PCCA: variants seen among roughly 807,000 people sequenced by gnomAD.
The protein encoded by PCCA is propionyl-CoA carboxylase alpha chain, mitochondrial.
In PCCA, 74 loss-of-function variants were observed where a neutral mutation model predicts 101.3. The ratio of observed to expected loss-of-function variants is 0.73; its 90% confidence interval spans 0.61 to 0.89. The LOEUF is 0.89. Ranked by LOEUF, PCCA falls within the 40% of genes least tolerant of loss-of-function variation. PCCA has a pLI of 0.00. For synonymous variants in PCCA, 294 were observed against 313.6 expected (o/e 0.94, Z 0.66); for missense variants, 891 against 907.0 (o/e 0.98, Z 0.23).
intron 6 of PCCA, chr13:100,160,575 C>A (rs2054362320): frequency 1.3e-5 from 2 of 151,962 alleles, no homozygotes; most frequent in South Asian, 2.1e-4. Flanking sequence ...CAAAGCTACA[C>A]ATAATCCTCA....
chr13:100,271,324 A>T lies in PCCA; in HGVS notation c.915-1872A>T, dbSNP rs1392549750. On this transcript the variant is annotated intron_variant, in intron 11 of 23. Coordinates refer to ENST00000376285, the MANE Select transcript of PCCA (RefSeq NM_000282.4). ...TAATTCATAACACTTGAACCCATTG[A>T]TTTATTGTAACTTCACCAAAAGGGA... 2.0e-5 allele frequency among the ~76,000 whole-genome samples: 3 copies of T among 152,042 alleles called. No homozygotes were observed. The South Asian group carries it at 6.2e-4, about 32-fold the overall frequency.
intron 11 of PCCA, among the ~76,000 whole-genome samples, chr13:100,271,448 A>G (rs960889517): frequency 3.9e-5 from 6 of 152,046 alleles, no homozygotes; most frequent in African/African-American, 1.4e-4. Flanking sequence ...CTAGCAATCT[A>G]TATGAAATAG....
At chr13:100,238,470 C>T (rs1446620244) in intron 8 of PCCA, among the ~76,000 whole-genome samples, 1 of 152,044 alleles carries the variant, frequency 6.6e-6, no homozygotes, top group African/African-American at 2.4e-5. Flanking sequence ...TCCTGTCCTT[C>T]TTCTAATTCT....
intron 8 of PCCA, among the ~76,000 whole-genome samples, chr13:100,240,642 G>A (rs935438149): frequency 6.6e-6 from 1 of 151,580 alleles, no homozygotes; most frequent in Non-Finnish European, 1.5e-5. Flanking sequence ...TCAATCATAC[G>A]GCATTTTGAA....
intron 6 of PCCA, among the ~76,000 whole-genome samples, chr13:100,180,575 G>A (rs1163413348): frequency 6.6e-6 from 1 of 152,158 alleles, no homozygotes; most frequent in Non-Finnish European, 1.5e-5. Flanking sequence ...TAGGGGGTAG[G>A]TGTGGATACA....
At chr13:100,181,770 CT>C (rs11329867) in intron 6 of PCCA, among the ~76,000 whole-genome samples, 68,202 of 130,120 alleles carry the variant, frequency 0.52, 17,575 homozygotes, top group African/African-American at 0.7. Flanking sequence ...TTCTTTTTTT[CT>C]TTTTTTTTTT....
At chr13:100,138,423 T>C (rs1362364697) in intron 4 of PCCA, among the ~76,000 whole-genome samples, 1 of 152,216 alleles carries the variant, frequency 6.6e-6, no homozygotes, top group Admixed American at 6.5e-5. Context: ...TTACGTGTTA[T>C]ATCTGCATGC....
chr13:100,461,052 A>C (rs1298771436), intron 21 of PCCA, among the ~76,000 whole-genome samples: 1 of 152,366 alleles, frequency 6.6e-6, no homozygotes, highest in African/African-American at 2.4e-5. Context: ...TCTGGTCTGC[A>C]TATTTCCATA....
intron 19 of PCCA, among the ~76,000 whole-genome samples, chr13:100,384,182 C>T (rs562938500): frequency 3.9e-5 from 6 of 152,084 alleles, no homozygotes; most frequent in African/African-American, 1.2e-4. Context: ...CGTGCCACCA[C>T]GCCTGGTTAA....
chr13:100,484,012 A>G (rs550610975), intron 21 of PCCA, among the ~76,000 whole-genome samples: 7 of 152,370 alleles, frequency 4.6e-5, no homozygotes, highest in African/African-American at 1.7e-4. Context: ...AGGAAAAGGA[A>G]GTAATTCGTT....
chr13:100,197,242 C>T (rs2058164759), intron 6 of PCCA, among the ~76,000 whole-genome samples: 1 of 152,156 alleles, frequency 6.6e-6, no homozygotes, highest in Non-Finnish European at 1.5e-5. Flanking sequence ...AGATTTTGCT[C>T]TGTTGCCCAG....
At chr13:100,500,914 C>T (rs746035176) in intron 21 of PCCA, among the ~76,000 whole-genome samples, 13 of 152,268 alleles carry the variant, frequency 8.5e-5, no homozygotes, top group Non-Finnish European at 1.5e-4. Flanking sequence ...GAGGCCGAGG[C>T]GGGTAGATCA....
chr13:100,455,831 C>T (rs1171757722), intron 21 of PCCA, among the ~76,000 whole-genome samples: 2 of 152,110 alleles, frequency 1.3e-5, no homozygotes, highest in Non-Finnish European at 2.9e-5. Context: ...TCCCAAGTAG[C>T]TGGGACTACA....
rs755741753 is a variant in PCCA, at chr13:100,220,210, T to C, written c.600+10747T>C. Among the ~76,000 whole-genome samples the C allele has an allele frequency of 5.3e-5, 8 of 152,246 alleles. No homozygotes were observed. In the Middle Eastern group the frequency reaches 0.01, roughly 194 times the overall value. ...GTTACCTGTTTTCACAGGAAAGATT[T>C]TGGTAATAGCCTTCAAAAGACCGTG... On this transcript the variant is annotated intron_variant, in intron 7 of 23. Transcript: ENST00000376285.
chr13:100,152,296 A>G (rs2053420253), intron 4 of PCCA, among the ~76,000 whole-genome samples: 1 of 151,908 alleles, frequency 6.6e-6, no homozygotes, highest in Non-Finnish European at 1.5e-5. Flanking sequence ...TTCTTTGTAA[A>G]GTCCATAGCA....
chr13:100,220,927 T>C (rs2059780076), intron 7 of PCCA, among the ~76,000 whole-genome samples: 1 of 152,170 alleles, frequency 6.6e-6, no homozygotes, highest in Non-Finnish European at 1.5e-5. Flanking sequence ...CAGTGCCTTG[T>C]TGGTTTAAGA....
chr13:100,370,657 G>C (rs1305366018), intron 19 of PCCA, among the ~76,000 whole-genome samples: 1 of 152,152 alleles, frequency 6.6e-6, no homozygotes, highest in African/African-American at 2.4e-5. Context: ...GCACATGATA[G>C]TGTAGCCCTT....
chr13:100,096,805 A>G (rs867347181), intron 1 of PCCA, among the ~76,000 whole-genome samples: 9 of 152,254 alleles, frequency 5.9e-5, no homozygotes, highest in African/African-American at 1.7e-4. Flanking sequence ...AATCCAGCGC[A>G]AGGTCCTCGC....
At chr13:100,526,269 C>T (rs753680552) in intron 22 of PCCA, among the ~76,000 whole-genome samples, 8 of 152,242 alleles carry the variant, frequency 5.3e-5, no homozygotes, top group East Asian at 1.9e-4. Flanking sequence ...GCTGATTCTT[C>T]GCTCTCCCTG....
Sources: allele counts gnomAD v4.1 joint callset (sites outside exome capture counted in the v4.1 genomes callset), GRCh38; gene constraint gnomAD v4.1.1; transcripts MANE v1.5; gene names NCBI Gene and HGNC (gene_info 2026-07-23, HGNC 2026-07-21).